Variants in AGL observed in about 807,000 individuals in gnomAD.
AGL encodes glycogen debranching enzyme.
AGL carries 128 observed loss-of-function variants against 199.3 expected under a neutral mutation model. The ratio of observed to expected loss-of-function variants is 0.64; its 90% CI spans 0.56 to 0.74. The LOEUF is 0.74. Ranked by LOEUF, AGL falls within the 30% of genes least tolerant of loss-of-function variation. AGL has a pLI of 0.00. For missense variants in AGL, 1,809 were observed against 1,820.8 expected (o/e 0.99, Z 0.12); for synonymous variants, 584 against 594.7 (o/e 0.98, Z 0.26).
chr1:99,850,788 C>T (rs1049763653), intron 1 of AGL, 187 bp from the exon 2 acceptor site: 4 of 484,532 alleles, frequency 8.3e-6, no homozygotes, highest in African/African-American at 3.9e-5. Flanking sequence ...CGGTCTTATT[C>T]GTTGTGCTCA....
intron 2 of AGL, among the ~76,000 whole-genome samples, chr1:99,856,390 C>A (rs903665788): frequency 3.1e-5 from 4 of 130,510 alleles, no homozygotes; most frequent in Admixed American, 2.5e-4. Flanking sequence ...CTCCCTCCCT[C>A]CCTCCTTCCT....
rs1020642689 is a variant in AGL, at chr1:99,900,114, G to C, written c.3363-522G>C. On this transcript the variant is annotated intron_variant, in intron 25 of 33. Transcript: ENST00000361915. ...CTGGCTTATTTTTGTATTTTTAGTA[G>C]AGACAGCGTTTCACCATGTTGACCA... Among the ~76,000 whole-genome samples, 32 of 151,816 alleles carry C rather than the reference G, an allele frequency of 2.1e-4. 1 individual carries two copies. The highest frequency in any genetic ancestry group is 7.7e-4 in the African/African-American group (32 of 41,378).
At chr1:99,917,883 A>T (rs1281773683) in intron 33 of AGL, among the ~76,000 whole-genome samples, 2 of 152,056 alleles carry the variant, frequency 1.3e-5, no homozygotes, top group African/African-American at 4.8e-5. Context: ...TACCCCCCAC[A>T]CTACATGGTT....
chr1:99,870,346 A>G, intron 5 of AGL, 54 bp from the exon 6 acceptor site: 8 of 1,536,734 alleles, frequency 5.2e-6, no homozygotes, highest in Non-Finnish European at 6.3e-6. Context: ...CTTAACATAG[A>G]TACAGTTTCA....
At chr1:99,900,256 A>C (rs1234311893) in intron 25 of AGL, among the ~76,000 whole-genome samples, 1 of 151,712 alleles carries the variant, frequency 6.6e-6, no homozygotes, top group Non-Finnish European at 1.5e-5. Context: ...TGTTTGTTTT[A>C]CTCTTGGTTT....
chr1:99,872,647 G>C (rs1017853840), intron 7 of AGL, among the ~76,000 whole-genome samples: 1 of 151,562 alleles, frequency 6.6e-6, no homozygotes, highest in African/African-American at 2.4e-5. Context: ...TCCTGCCTCA[G>C]CCTCCCAAGT....
At chr1:99,886,103 A>T (rs1413988839) in intron 20 of AGL, among the ~76,000 whole-genome samples, 3 of 152,198 alleles carry the variant, frequency 2.0e-5, no homozygotes, top group Non-Finnish European at 4.4e-5. Context: ...ATATTATTAT[A>T]ACGTAGTGTT....
At chr1:99,895,052 A>AT (rs566501417) in intron 24 of AGL, among the ~76,000 whole-genome samples, 1 of 151,824 alleles carries the variant, frequency 6.6e-6, no homozygotes, top group Non-Finnish European at 1.5e-5. Context: ...CTTTGGCATA[A>AT]TTTTTTTTCT....
chr1:99,904,868 A>G (rs1654135439), intron 27 of AGL, among the ~76,000 whole-genome samples: 1 of 152,148 alleles, frequency 6.6e-6, no homozygotes. Flanking sequence ...CATCCAAACC[A>G]TTCATCCATT....
intron 2 of AGL, among the ~76,000 whole-genome samples, chr1:99,857,705 G>A (rs1035062015): frequency 4.9e-5 from 7 of 142,512 alleles, no homozygotes; most frequent in African/African-American, 1.5e-4. Flanking sequence ...GCAGGCACTC[G>A]GCAGGCTGAG....
intron 7 of AGL, among the ~76,000 whole-genome samples, chr1:99,873,476 C>G (rs770782962): frequency 2.0e-5 from 3 of 150,074 alleles, no homozygotes; most frequent in Non-Finnish European, 3.0e-5. Context: ...CTCTTGTCGC[C>G]TAGGCTAAAG....
intron 30 of AGL, among the ~76,000 whole-genome samples, chr1:99,914,718 A>G (rs762728039): frequency 3.3e-5 from 5 of 152,158 alleles, no homozygotes; most frequent in Non-Finnish European, 7.3e-5. Context: ...AGAAGCAAAC[A>G]ATGGGTATCA....
rs1183528640 is a variant in AGL at position 99,884,117 on chromosome 1, T to C, written c.2309-3T>C. ...TTGTTAAAATGTTTTTATGTATTCC[T>C]AGGCAAAATTGAAGAAGTAGTTCTT... On this transcript the variant is annotated splice_polypyrimidine_tract_variant and splice_region_variant and intron_variant, in intron 17 of 33. Transcript: ENST00000361915. The C allele has an allele frequency of 6.2e-7, 1 of 1,610,486 alleles. No homozygotes were observed. Among genetic ancestry groups the C allele is most frequent in the East Asian group, 2.2e-5 (1 of 44,716 alleles).
intron 25 of AGL, among the ~76,000 whole-genome samples, chr1:99,898,260 A>G (rs977277182): frequency 6.6e-6 from 1 of 152,064 alleles, no homozygotes; most frequent in Non-Finnish European, 1.5e-5. Flanking sequence ...GTTAGCCAGG[A>G]TGGTCTCGAT....
chr1:99,877,531 T>C, intron 11 of AGL, 110 bp from the exon 12 acceptor site: 2 of 944,710 alleles, frequency 2.1e-6, no homozygotes, highest in African/African-American at 1.6e-5. Context: ...TTAACCAATA[T>C]ATCATTTATG....
chr1:99,849,382 C>T (rs1201462785), upstream of AGL, among the ~76,000 whole-genome samples: 1 of 152,160 alleles, frequency 6.6e-6, no homozygotes, highest in Admixed American at 6.5e-5. Flanking sequence ...CCATTAGGAG[C>T]CCTCCAAAAG....
intron 21 of AGL, among the ~76,000 whole-genome samples, chr1:99,888,715 T>C (rs1287086122): frequency 6.6e-6 from 1 of 152,198 alleles, no homozygotes; most frequent in Non-Finnish European, 1.5e-5. Flanking sequence ...TAATATTTAC[T>C]TAGATGTTTA....
intron 26 of AGL, among the ~76,000 whole-genome samples, 186 bp downstream of exon 26, chr1:99,901,047 TG>T (rs1653798481): frequency 2.0e-5 from 3 of 151,976 alleles, no homozygotes; most frequent in Non-Finnish European, 4.4e-5. Flanking sequence ...CTTTGCAACA[TG>T]GTAGAAGAGA....
intron 33 of AGL, among the ~76,000 whole-genome samples, chr1:99,916,973 T>C (rs79636076): frequency 2.0e-5 from 3 of 152,310 alleles, no homozygotes; most frequent in East Asian, 3.9e-4. Context: ...TGGAATAGTC[T>C]TTGATTTTTA....
Sources: allele counts gnomAD v4.1 joint callset (sites outside exome capture counted in the v4.1 genomes callset), GRCh38; gene constraint gnomAD v4.1.1; transcripts MANE v1.5; gene names NCBI Gene and HGNC (gene_info 2026-07-23, HGNC 2026-07-21).